The following PBX1 variants were observed in gnomAD, a reference collection of about 807,000 sequenced individuals.
PBX1 encodes the protein pre-B-cell leukemia transcription factor 1.
Under a neutral mutation model 53.4 loss-of-function variants are expected in PBX1, and 6 were observed. That is an observed-to-expected ratio of 0.11 (90% CI 0.06 to 0.22). PBX1 has a LOEUF of 0.22. Ranked by LOEUF, PBX1 falls within the 10% of genes least tolerant of loss-of-function variation. The probability of loss-of-function intolerance (pLI) is 1.00; values close to 1 mark genes in which losing one functional copy is unlikely to be tolerated. For missense variants in PBX1, 251 were observed against 551.4 expected (o/e 0.46, Z 5.46); for synonymous variants, 204 against 212.3 (o/e 0.96, Z 0.34).
chr1:164,810,192 A>G (rs2102341685), intron 5 of PBX1, among the ~76,000 whole-genome samples: 1 of 152,288 alleles, frequency 6.6e-6, no homozygotes, highest in South Asian at 2.1e-4. Context: ...ATGTGAATCA[A>G]ACTCTTCCCA....
intron 2 of PBX1, among the ~76,000 whole-genome samples, chr1:164,639,225 C>T (rs1658971989): frequency 6.6e-6 from 1 of 152,194 alleles, no homozygotes; most frequent in Admixed American, 6.5e-5. Flanking sequence ...ACCTCCTCTC[C>T]ATGATTAAAG....
chr1:164,651,517 C>A (rs974922811), intron 2 of PBX1, among the ~76,000 whole-genome samples: 1 of 152,098 alleles, frequency 6.6e-6, no homozygotes. Context: ...CTCCCCACCT[C>A]GTTACCAAAG....
At chr1:164,586,860 A>G (rs1654980181) in intron 2 of PBX1, among the ~76,000 whole-genome samples, 1 of 152,162 alleles carries the variant, frequency 6.6e-6, no homozygotes, top group East Asian at 1.9e-4. Context: ...GATGATGGTG[A>G]GTCGAGACCA....
At chr1:164,769,290 GGC>G (rs937851323) in intron 2 of PBX1, 31 of 152,234 alleles carry the variant, frequency 2.0e-4, no homozygotes, top group African/African-American at 7.0e-4. Context: ...TTTCTTTCCT[GGC>G]CCCTACAAAG....
chr1:164,707,488 A>T (rs1663505923), intron 2 of PBX1, among the ~76,000 whole-genome samples: 1 of 151,288 alleles, frequency 6.6e-6, no homozygotes, highest in African/African-American at 2.4e-5. Context: ...CCTGTCTCAT[A>T]CAAGGCCCTG....
At chr1:164,806,181 T>A (rs1186850057) in intron 4 of PBX1, among the ~76,000 whole-genome samples, 1 of 152,202 alleles carries the variant, frequency 6.6e-6, no homozygotes, top group Non-Finnish European at 1.5e-5. Context: ...AGCCCCTGCA[T>A]TGAGCCTGCA....
chr1:164,850,639 T>G lies in PBX1; in HGVS notation c.*3963T>G, dbSNP rs1381933310. ...AGTAGGCTTGTTCTTCTACTTTGCT[T>G]CAGAATTCAGTTAATGCCAAAAGCG... On this transcript the variant is annotated 3_prime_UTR_variant, in exon 9 of 9. Transcript: ENST00000420696. 36 of 192,464 alleles carry G rather than the reference T, an allele frequency of 1.9e-4. No homozygotes were observed. Among genetic ancestry groups the G allele is most frequent in the Non-Finnish European group, 3.3e-5 (3 of 91,928 alleles). The allele number at this position is 192,464 out of a possible 1,614,324, so 11.9% of individuals were successfully genotyped here.
intron 2 of PBX1, chr1:164,674,939 T>G (rs1299028936): frequency 6.8e-6 from 1 of 146,594 alleles, no homozygotes; most frequent in Non-Finnish European, 1.5e-5. Flanking sequence ...TAACCCTTTC[T>G]TTAGCATGGT....
At chr1:164,853,960 A>G (rs113824648), downstream of PBX1, among the ~76,000 whole-genome samples, 2,884 of 148,830 alleles carry the variant, frequency 0.019, 107 homozygotes, top group African/African-American at 0.065. Flanking sequence ...TTGAGACGGT[A>G]TCTCGTGTGA....
intron 2 of PBX1, among the ~76,000 whole-genome samples, chr1:164,656,051 A>T (rs567048303): frequency 6.6e-6 from 1 of 152,232 alleles, no homozygotes; most frequent in Non-Finnish European, 1.5e-5. Flanking sequence ...TGGAACATTT[A>T]AAAATATTTT....
chr1:164,884,207 CA>C (rs1672726032), intron 2 of PBX1, among the ~76,000 whole-genome samples: 1 of 152,180 alleles, frequency 6.6e-6, no homozygotes, highest in African/African-American at 2.4e-5. Context: ...AAATGAATCA[CA>C]TTTTTTTCTT....
At chr1:164,813,541 G>A (rs1321984029) in intron 6 of PBX1, 1 of 152,158 alleles carries the variant, frequency 6.6e-6, no homozygotes, top group South Asian at 2.1e-4. Flanking sequence ...AAGAATTTCA[G>A]ACCCAACAAC....
intron 2 of PBX1, among the ~76,000 whole-genome samples, chr1:164,644,953 C>G (rs1659362227): frequency 6.6e-6 from 1 of 152,140 alleles, no homozygotes; most frequent in Non-Finnish European, 1.5e-5. Flanking sequence ...CTTAATAAAG[C>G]CGTTTTTCAA....
chr1:164,613,134 A>G (rs190039580), intron 2 of PBX1, among the ~76,000 whole-genome samples: 2 of 152,188 alleles, frequency 1.3e-5, no homozygotes, highest in Non-Finnish European at 2.9e-5. Context: ...CTAGTAGAAT[A>G]CCATGAATAC....
downstream of PBX1, among the ~76,000 whole-genome samples, chr1:164,856,688 C>A (rs138922536): frequency 2.3e-3 from 355 of 152,250 alleles, 1 homozygote; most frequent in Middle Eastern, 0.02. Flanking sequence ...AGGTCTGTTT[C>A]TCTATACATA....
At chr1:164,693,076 C>T (rs1447191190) in intron 2 of PBX1, among the ~76,000 whole-genome samples, 4 of 152,194 alleles carry the variant, frequency 2.6e-5, no homozygotes, top group African/African-American at 9.6e-5. Context: ...ACTGTGTGTG[C>T]CCCACAGGCC....
At chr1:164,718,958 C>T (rs1334462237) in intron 2 of PBX1, among the ~76,000 whole-genome samples, 3 of 152,180 alleles carry the variant, frequency 2.0e-5, no homozygotes, top group Non-Finnish European at 4.4e-5. Flanking sequence ...TTGAATCACA[C>T]TCAGCTTTAC....
At chr1:164,571,475 T>C (rs1653847610) in intron 2 of PBX1, among the ~76,000 whole-genome samples, 1 of 152,166 alleles carries the variant, frequency 6.6e-6, no homozygotes, top group Non-Finnish European at 1.5e-5. Context: ...TTCTTCTGTT[T>C]AGCACGTTTT....
At chr1:164,765,953 A>G (rs1667039328) in intron 2 of PBX1, among the ~76,000 whole-genome samples, 1 of 152,220 alleles carries the variant, frequency 6.6e-6, no homozygotes, top group South Asian at 2.1e-4. Context: ...ATTTATGAAC[A>G]TGTACCATGC....
Sources: gnomAD v4.1 joint callset for allele counts (sites outside exome capture counted in the v4.1 genomes callset) on GRCh38, gnomAD v4.1.1 for gene constraint, MANE v1.5 for transcripts, NCBI Gene and HGNC (gene_info 2026-07-23, HGNC 2026-07-21) for gene names.